The following MR1 variants were observed in gnomAD, a reference collection of about 807,000 sequenced individuals.
MR1 encodes major histocompatibility complex, class I-related.
MR1 carries 44 observed loss-of-function variants against 37.8 expected under a neutral mutation model. The observed-to-expected ratio is 1.16, with a 90% CI of 0.91 to 1.50. The LOEUF (loss-of-function observed/expected upper bound fraction) is 1.50. MR1 is among the 40% of genes most tolerant of loss of function. The pLI is 0.00. For missense variants in MR1, 386 were observed against 419.1 expected, an observed-to-expected ratio of 0.92 and a Z score of 0.69; for synonymous variants, 153 against 155.8, an observed-to-expected ratio of 0.98 and a Z score of 0.13.
At chr1:181,035,766 G>A (rs530473965) in intron 1 of MR1, among the ~76,000 whole-genome samples, 2 of 152,252 alleles carry the variant, frequency 1.3e-5, no homozygotes, top group Middle Eastern at 6.8e-3. Flanking sequence ...GCAACCTGAA[G>A]GAGACTGCAG....
At position 181,059,939 on chromosome 1, in the gene MR1, C is replaced by T. The variant is rs1658825385; in HGVS notation, c.*4674C>T. On this transcript the variant is annotated 3_prime_UTR_variant, in exon 6 of 6. Coordinates refer to ENST00000367580, the MANE Select transcript of MR1 (RefSeq NM_001385161.1). ...ATGCAACATGTCACAATGTCATGTTCTCCATCGTCTCCCCGTTCCACCTTG... is the reference window on the plus strand; with the variant it reads ...ATGCAACATGTCACAATGTCATGTTTTCCATCGTCTCCCCGTTCCACCTTG... 6.6e-6 allele frequency: 1 copy of T among 152,178 alleles called. No homozygotes were observed. The highest frequency in any genetic ancestry group is 6.5e-5 in the Admixed American group (1 of 15,268). The allele number at this position is 152,178 out of a possible 1,614,324, so 9.4% of individuals were successfully genotyped here.
Position 181,052,519 on chromosome 1 carries a change from G to A in MR1, c.880+9G>A, listed in dbSNP as rs200078718. 61 of 1,608,368 alleles carry A rather than the reference G, an allele frequency of 3.8e-5. No homozygotes were observed. Among genetic ancestry groups the A allele is most frequent in the Middle Eastern group, 1.7e-4 (1 of 5,850 alleles). ...TCTTCAGGTCCCCCAGGGTAAGGAC[G>A]GGGATCGTGGCTGTCTAGGGAGAGA... On this transcript the variant is annotated intron_variant, in intron 4 of 5. Coordinates refer to ENST00000367580, the MANE Select transcript of MR1 (RefSeq NM_001385161.1).
chr1:181,053,108 G>A (rs140233425), intron 4 of MR1, among the ~76,000 whole-genome samples: 121 of 152,068 alleles, frequency 8.0e-4, no homozygotes, highest in African/African-American at 2.4e-3. Flanking sequence ...CAACCCAGGC[G>A]CAGTGGCTCA....
chr1:181,053,180 A>G (rs1658419855), intron 4 of MR1, among the ~76,000 whole-genome samples: 1 of 151,938 alleles, frequency 6.6e-6, no homozygotes, highest in Non-Finnish European at 1.5e-5. Flanking sequence ...CCAGGAGTTC[A>G]AGACCAGCCT....
intron 2 of MR1, 136 bp from the exon 3 acceptor site, chr1:181,049,875 C>T: frequency 1.0e-6 from 1 of 1,004,158 alleles, no homozygotes; most frequent in Non-Finnish European, 1.5e-6. Context: ...CCTGGGGACT[C>T]AGCGATGCCA....
chr1:181,050,182 C>T lies in MR1; in HGVS notation c.500C>T (p.Ala167Val). The T allele has an allele frequency of 6.2e-7, 1 of 1,614,202 alleles. No individual in the cohort carries two copies. Among genetic ancestry groups the T allele is most frequent in the South Asian group, 1.1e-5 (1 of 91,084 alleles). Residue 167 changes from alanine (A) to valine (V), a missense_variant, in exon 3 of 6, where the codon GCC (alanine) becomes GTC (valine). Physicochemically the swap from Ala to Val is moderately conservative, Grantham distance 64. Transcript: ENST00000367580. ...CACACCATCAAGCAGGCATGGGAGG[C>T]CAATCAGCATGAGTTGCTGTATCAA... is the stretch of plus-strand genomic sequence containing the variant. The part of the protein sequence containing the change: ...VAHTIKQAWE[A>V]NQHELLYQKN...
intron 1 of MR1, among the ~76,000 whole-genome samples, chr1:181,048,212 A>G (rs6669505): frequency 0.71 from 104,435 of 147,126 alleles, 37,109 homozygotes; most frequent in African/African-American, 0.79. Flanking sequence ...GCAAGACTCC[A>G]TCTCAAAAAA....
At chr1:181,050,707 TG>T in intron 3 of MR1, 1 of 245,130 alleles carries the variant, frequency 4.1e-6, no homozygotes, top group South Asian at 5.6e-5. Flanking sequence ...AAAGGATTAA[TG>T]AGGTTGGGCA....
At chr1:181,034,783 T>C (rs998429229) in intron 1 of MR1, among the ~76,000 whole-genome samples, 1 of 152,010 alleles carries the variant, frequency 6.6e-6, no homozygotes, top group African/African-American at 2.4e-5. Context: ...CTGATGAACA[T>C]GAGAGGAAGG....
chr1:181,039,691 C>A (rs1160526184), intron 1 of MR1, among the ~76,000 whole-genome samples: 1 of 151,808 alleles, frequency 6.6e-6, no homozygotes, highest in Non-Finnish European at 1.5e-5. Context: ...CATGGTGAAA[C>A]CCTGTCTCTA....
chr1:181,033,863 T>G, upstream of MR1: 1 of 623,856 alleles, frequency 1.6e-6, no homozygotes, highest in Non-Finnish European at 2.7e-6. Context: ...CATGCTTTCA[T>G]TTTATCTTTT....
At chr1:181,052,831 C>T (rs1658397157) in intron 4 of MR1, among the ~76,000 whole-genome samples, 1 of 152,172 alleles carries the variant, frequency 6.6e-6, no homozygotes, top group Non-Finnish European at 1.5e-5. Flanking sequence ...CTTTGGGAGG[C>T]TGAGGCAGGT....
intron 2 of MR1, chr1:181,049,695 T>C: frequency 2.1e-6 from 1 of 481,926 alleles, no homozygotes; most frequent in Non-Finnish European, 3.7e-6. Flanking sequence ...GGGGTATTTC[T>C]GGCTCCTGCA....
intron 1 of MR1, among the ~76,000 whole-genome samples, chr1:181,044,395 A>C (rs1043117084): frequency 4.6e-5 from 7 of 152,160 alleles, no homozygotes; most frequent in Non-Finnish European, 1.0e-4. Context: ...GGGAGGTCCT[A>C]AAGGTGATGG....
At chr1:181,052,535 T>C (rs759819183) in intron 4 of MR1, 25 bp downstream of exon 4, 24 of 1,602,428 alleles carry the variant, frequency 1.5e-5, no homozygotes, top group Non-Finnish European at 2.0e-5. Context: ...CGTGGCTGTC[T>C]AGGGAGAGAG....
rs1658447722 is a variant in MR1 at position 181,053,633 on chromosome 1, T to A, written c.941T>A (p.Val314Glu). The change falls in exon 5 of 6, where the codon GTG becomes GAG. Residue 314 changes from valine (V) to glutamate (E), a missense_variant. Coordinates refer to ENST00000367580, the MANE Select transcript of MR1 (RefSeq NM_001385161.1). ...AVSGSIVLVI[V>E]LAGVGVLVWR... ...TCTGGGTCCATTGTCCTTGTCATTG[T>A]GCTGGCTGGAGTTGGTGTTCTAGTC... The A allele has an allele frequency of 1.2e-6, 2 of 1,613,878 alleles. No homozygotes were observed.
At chr1:181,049,895 TG>T (rs1658199802) in intron 2 of MR1, 115 bp from the exon 3 acceptor site, 14 of 1,235,636 alleles carry the variant, frequency 1.1e-5, no homozygotes, top group South Asian at 1.4e-5. Context: ...ATGGCAGGCC[TG>T]GGGGGTGACA....
chr1:181,039,865 CAAAAAA>C (rs35762032), intron 1 of MR1, among the ~76,000 whole-genome samples: 75 of 89,782 alleles, frequency 8.4e-4, no homozygotes, highest in African/African-American at 2.8e-3. Flanking sequence ...GACTCCATCT[CAAAAAA>C]AAAAAAAAAA....
chr1:181,045,792 A>G (rs1455693127), intron 1 of MR1, among the ~76,000 whole-genome samples: 1 of 152,222 alleles, frequency 6.6e-6, no homozygotes, highest in African/African-American at 2.4e-5. Flanking sequence ...TGGGCTGGCC[A>G]AAGCCGGAGC....
Sources: gnomAD v4.1 joint callset for allele counts (sites outside exome capture counted in the v4.1 genomes callset) on GRCh38, gnomAD v4.1.1 for gene constraint, MANE v1.5 for transcripts, NCBI Gene and HGNC (gene_info 2026-07-23, HGNC 2026-07-21) for gene names.